The following KCNH8 variants were observed in gnomAD, a reference collection of about 807,000 sequenced individuals.
KCNH8 encodes the protein potassium voltage-gated channel subfamily H member 8.
Under a neutral mutation model 103.6 loss-of-function variants are expected in KCNH8, and 70 were observed. The ratio of observed to expected loss-of-function variants is 0.68; its 90% confidence interval spans 0.56 to 0.82. The LOEUF (loss-of-function observed/expected upper bound fraction) is 0.82. Among genes scored for constraint, KCNH8 ranks in the 40% least tolerant of loss-of-function variants. The probability of loss-of-function intolerance (pLI) is 0.00; values close to 1 mark genes in which losing one functional copy is unlikely to be tolerated. For missense variants in KCNH8, 1,217 were observed against 1,329.9 expected (o/e 0.92, Z 1.32); for synonymous variants, 498 against 489.4 (o/e 1.02, Z -0.23).
intron 2 of KCNH8, among the ~76,000 whole-genome samples, chr3:19,259,916 C>A (rs1469172416): frequency 6.6e-6 from 1 of 151,720 alleles, no homozygotes; most frequent in East Asian, 1.9e-4. Flanking sequence ...TGAAGCAAAT[C>A]TCAAACTGAC....
At chr3:19,299,203 A>G (rs917870369) in intron 3 of KCNH8, among the ~76,000 whole-genome samples, 3 of 152,204 alleles carry the variant, frequency 2.0e-5, no homozygotes, top group Non-Finnish European at 4.4e-5. Context: ...GAAAAATTTC[A>G]TTAAGAGTTT....
intron 1 of KCNH8, among the ~76,000 whole-genome samples, chr3:19,210,558 T>C (rs994993697): frequency 6.6e-6 from 1 of 150,800 alleles, no homozygotes; most frequent in African/African-American, 2.5e-5. Flanking sequence ...TGAATGCCCA[T>C]TTAAAAAAAT....
chr3:19,421,798 A>G lies in KCNH8; in HGVS notation c.1178-16366A>G, dbSNP rs1460980605. ...GCCATTGTTAATTTTATTTTTTATT[A>G]TTTCTACTAAGTCTAATTTTTTAAA... On this transcript the variant is annotated intron_variant, in intron 7 of 15. Transcript: ENST00000328405. Among the ~76,000 whole-genome samples, 4 of 151,916 alleles carry G rather than the reference A, an allele frequency of 2.6e-5. No homozygotes were observed. In the East Asian group the frequency reaches 7.7e-4, roughly 29 times the overall value.
chr3:19,290,201 A>G (rs1413870004), intron 3 of KCNH8, among the ~76,000 whole-genome samples: 3 of 152,172 alleles, frequency 2.0e-5, no homozygotes, highest in Non-Finnish European at 2.9e-5. Context: ...AACAGGGACA[A>G]TTTGACTCCC....
intron 7 of KCNH8, among the ~76,000 whole-genome samples, chr3:19,424,015 T>C (rs1015746071): frequency 6.6e-6 from 1 of 152,082 alleles, no homozygotes. Context: ...AAATCAATAT[T>C]AGGAAAATGA....
chr3:19,375,379 T>G (rs1347259708), intron 5 of KCNH8, among the ~76,000 whole-genome samples: 6 of 150,758 alleles, frequency 4.0e-5, no homozygotes, highest in African/African-American at 4.9e-5. Flanking sequence ...CTGATACCCT[T>G]TCTTCCAGTT....
intron 1 of KCNH8, among the ~76,000 whole-genome samples, chr3:19,206,393 A>G (rs973335336): frequency 6.6e-6 from 1 of 151,778 alleles, no homozygotes; most frequent in Non-Finnish European, 1.5e-5. Flanking sequence ...CTGCAAAAGC[A>G]TAAGGGGAAA....
chr3:19,498,292 T>C (rs2068489460), intron 11 of KCNH8, among the ~76,000 whole-genome samples: 1 of 152,236 alleles, frequency 6.6e-6, no homozygotes, highest in African/African-American at 2.4e-5. Context: ...GTTAGCTGGC[T>C]ATTATATAGA....
In KCNH8 at chr3:19,513,261, G is replaced by A; in HGVS notation, c.2371G>A (p.Glu791Lys). The change falls in exon 13 of 16, where the codon GAG becomes AAG. Residue 791 changes from glutamate to lysine, a missense_variant. Glu to Lys is a moderately conservative substitution (Grantham distance 56). Around this residue, in one of 3 missense-constraint regions of KCNH8, gnomAD observed 558 missense variants for 495.8 expected, o/e 1.13. Transcript: ENST00000328405. ...IDPPNHNKRK[E>K]KNLKLQLSTL... ...CCCCCCCAACCATAATAAAAGGAAA[G>A]AGAAGAACTTGAAATTGCAACTTTC... 1 of 1,613,060 alleles carries A rather than the reference G, an allele frequency of 6.2e-7. No homozygotes were observed. Among genetic ancestry groups the A allele is most frequent in the Non-Finnish European group, 8.5e-7 (1 of 1,179,742 alleles).
intron 1 of KCNH8, among the ~76,000 whole-genome samples, chr3:19,209,348 A>G (rs1037986116): frequency 2.0e-5 from 3 of 152,220 alleles, no homozygotes; most frequent in African/African-American, 7.2e-5. Context: ...TCATGTAGGA[A>G]AATGATTTCT....
At chr3:19,358,681 GT>G (rs1466780580) in intron 5 of KCNH8, among the ~76,000 whole-genome samples, 9 of 151,872 alleles carry the variant, frequency 5.9e-5, no homozygotes, top group Non-Finnish European at 1.2e-4. Context: ...GGTGTTTTAT[GT>G]TTTTTAAATA....
chr3:19,195,893 T>C (rs2063596148), intron 1 of KCNH8, among the ~76,000 whole-genome samples: 1 of 152,080 alleles, frequency 6.6e-6, no homozygotes. Context: ...GTCCTCCAGC[T>C]AAGATCTTTC....
chr3:19,233,684 ACTCTGGTTTC>A (rs2064023633), intron 1 of KCNH8, among the ~76,000 whole-genome samples: 1 of 152,016 alleles, frequency 6.6e-6, no homozygotes, highest in Non-Finnish European at 1.5e-5. Flanking sequence ...TTCTCTGGGT[ACTCTGGTTTC>A]CTCTCACGTG....
At chr3:19,194,186 T>C (rs528767790) in intron 1 of KCNH8, among the ~76,000 whole-genome samples, 1 of 151,900 alleles carries the variant, frequency 6.6e-6, no homozygotes, top group Non-Finnish European at 1.5e-5. Context: ...GGTAATAGTA[T>C]GCATTCAAAA....
intron 5 of KCNH8, among the ~76,000 whole-genome samples, chr3:19,358,875 CAA>C (rs1255166659): frequency 6.7e-6 from 1 of 149,134 alleles, no homozygotes; most frequent in Non-Finnish European, 1.5e-5. Context: ...AAAAATAAAA[CAA>C]AAATATTAAT....
At chr3:19,221,236 A>G (rs1481133811) in intron 1 of KCNH8, among the ~76,000 whole-genome samples, 1 of 152,122 alleles carries the variant, frequency 6.6e-6, no homozygotes, top group Non-Finnish European at 1.5e-5. Flanking sequence ...ATGGGCTTGC[A>G]AGATTACTTG....
chr3:19,196,069 G>A (rs1436548195), intron 1 of KCNH8, among the ~76,000 whole-genome samples: 1 of 151,846 alleles, frequency 6.6e-6, no homozygotes, highest in African/African-American at 2.4e-5. Context: ...AAAGTACTCT[G>A]TCTGAAACTC....
At position 19,512,744 on chromosome 3, in the gene KCNH8, G is replaced by C. The variant is rs546843439; in HGVS notation, c.2080-226G>C. 8.5e-4 allele frequency among the ~76,000 whole-genome samples: 129 copies of C among 151,736 alleles called. 1 individual carries two copies. Among genetic ancestry groups the C allele is most frequent in the Middle Eastern group, 6.8e-3 (2 of 294 alleles). ...AGACCAAGAGAAAGGTTAAAATCAG[G>C]GGCTAAAAATCAAGAAAGCATAGAG... On this transcript the variant is annotated intron_variant, in intron 12 of 15. Transcript: ENST00000328405.
intron 7 of KCNH8, among the ~76,000 whole-genome samples, chr3:19,425,948 G>C (rs1049035442): frequency 2.0e-5 from 3 of 152,094 alleles, no homozygotes; most frequent in Non-Finnish European, 4.4e-5. Context: ...TAAGAGAATA[G>C]AAATAGGGCC....
Sources: gnomAD v4.1 joint callset for allele counts (sites outside exome capture counted in the v4.1 genomes callset) on GRCh38, gnomAD v4.1.1 for gene constraint, gnomAD v4.1.1 regional missense constraint, MANE v1.5 for transcripts, NCBI Gene and HGNC (gene_info 2026-07-23, HGNC 2026-07-21) for gene names.